The following CWF19L2 variants were observed in gnomAD, a reference collection of about 807,000 sequenced individuals.
The protein encoded by CWF19L2 is CWF19-like protein 2.
CWF19L2 carries 98 observed loss-of-function variants against 111.7 expected under a neutral mutation model. The observed-to-expected ratio is 0.88, with a 90% confidence interval of 0.75 to 1.04. CWF19L2 has a LOEUF of 1.04. Among genes scored for constraint, CWF19L2 ranks in the 50% least tolerant of loss-of-function variants. The probability of loss-of-function intolerance (pLI) is 0.00; values close to 1 mark genes in which losing one functional copy is unlikely to be tolerated. For missense variants in CWF19L2, 1,101 were observed against 1,051.4 expected (o/e 1.05, Z -0.65); for synonymous variants, 351 against 342.9 (o/e 1.02, Z -0.26).
chr11:107,433,715 T>A lies in CWF19L2; in HGVS notation c.699A>T (p.Leu233=). The change falls in exon 7 of 18, where the codon CTA becomes CTT. Residue 233 remains leucine, a synonymous_variant. Transcript: ENST00000282251. ...CCTTCATTCTTAGATAAGATTTCCT[T>A]AGCCAGCTTAATCCACCATCTTCTA... ...SVVEDGGLSW[L]RKSYLRMKEQ... is the part of the protein sequence containing the mutation. The A allele has an allele frequency of 6.3e-7, 1 of 1,588,662 alleles. No individual in the cohort carries two copies. Among genetic ancestry groups the A allele is most frequent in the East Asian group, 2.3e-5 (1 of 43,266 alleles).
At chr11:107,450,433 A>G (rs919811732) in intron 3 of CWF19L2, among the ~76,000 whole-genome samples, 1 of 152,142 alleles carries the variant, frequency 6.6e-6, no homozygotes, top group Non-Finnish European at 1.5e-5. Flanking sequence ...GCACACCCGT[A>G]GTCCCAGCTT....
At position 107,375,294 on chromosome 11, in the gene CWF19L2, C is replaced by T. The variant is rs1412772583; in HGVS notation, c.1872+14780G>A. ...ACCTAATATACATCTACAGAACTCT[C>T]CACCCCAAATCAACAGAATATACAT... On this transcript the variant is annotated intron_variant, in intron 12 of 17. Coordinates refer to ENST00000282251, the MANE Select transcript of CWF19L2 (RefSeq NM_152434.3). Among the ~76,000 whole-genome samples the T allele has an allele frequency of 5.2e-5, 7 of 135,364 alleles. 2 individuals are homozygous for T. Among genetic ancestry groups the T allele is most frequent in the Non-Finnish European group, 1.1e-4 (7 of 63,384 alleles). 88.8% of individuals were successfully genotyped at this position (135,364 alleles called of 152,430 possible). A position where few individuals can be genotyped will look rare whatever the true frequency, so the allele number is the denominator to read the frequency against.
rs527312262 is a variant in CWF19L2 at position 107,364,393 on chromosome 11, T to C, written c.1873-10657A>G. Among the ~76,000 whole-genome samples, 31 of 148,384 alleles carry C rather than the reference T, an allele frequency of 2.1e-4. 1 individual carries two copies. Among genetic ancestry groups the C allele is most frequent in the East Asian group, 1.8e-3 (9 of 4,896 alleles). On this transcript the variant is annotated intron_variant, in intron 12 of 17. Coordinates refer to ENST00000282251, the MANE Select transcript of CWF19L2 (RefSeq NM_152434.3). ...ACATTTTTTTCAGCACCACACCACA[T>C]CTATTCCAAAATTGACCACATACTT...
intron 14 of CWF19L2, among the ~76,000 whole-genome samples, chr11:107,341,068 A>C (rs1005363587): frequency 6.6e-5 from 10 of 152,216 alleles, no homozygotes; most frequent in African/African-American, 2.4e-4. Context: ...AGTTGAACAA[A>C]GCAATGGTCT....
chr11:107,395,885 TAGGACCTGTCAC>T (rs1357160500), intron 10 of CWF19L2, among the ~76,000 whole-genome samples: 3 of 152,198 alleles, frequency 2.0e-5, no homozygotes, highest in African/African-American at 7.2e-5. Context: ...CTGGTACCTA[TAGGACCTGTCAC>T]AGTGTCAAAC....
intron 10 of CWF19L2, among the ~76,000 whole-genome samples, chr11:107,412,896 G>A (rs1435561391): frequency 5.9e-5 from 9 of 152,168 alleles, no homozygotes; most frequent in Admixed American, 3.3e-4. Flanking sequence ...CATACTGTAT[G>A]ATTTCAATTA....
chr11:107,422,078 TA>T (rs1861309914), intron 8 of CWF19L2, among the ~76,000 whole-genome samples: 1 of 151,950 alleles, frequency 6.6e-6, no homozygotes, highest in Non-Finnish European at 1.5e-5. Context: ...AAGCTCACAA[TA>T]ATTACTCTGA....
At chr11:107,401,493 A>T (rs994179800) in intron 10 of CWF19L2, among the ~76,000 whole-genome samples, 1 of 151,934 alleles carries the variant, frequency 6.6e-6, no homozygotes, top group Non-Finnish European at 1.5e-5. Context: ...AAATAAAAAT[A>T]AAAATAAAAT....
At chr11:107,430,430 T>G (rs1447128594) in intron 7 of CWF19L2, among the ~76,000 whole-genome samples, 2 of 152,144 alleles carry the variant, frequency 1.3e-5, no homozygotes, top group Non-Finnish European at 2.9e-5. Context: ...ACAGTCAAAT[T>G]ATCCTTCCTT....
rs79967583 is a variant in CWF19L2 at position 107,334,343 on chromosome 11, G to T, written c.2439+538C>A. ...TAAGTGTAACTTGTACATAAAAGCT[G>T]ATCTACAAATAAAGATTAAACTATG... is the stretch of plus-strand genomic sequence containing the variant. On this transcript the variant is annotated intron_variant, in intron 16 of 17. Coordinates refer to ENST00000282251, the MANE Select transcript of CWF19L2 (RefSeq NM_152434.3). Among the ~76,000 whole-genome samples, 1,517 of 152,198 alleles carry T rather than the reference G, an allele frequency of 1.0e-2. 23 individuals carry two copies. Among genetic ancestry groups the T allele is most frequent in the African/African-American group, 0.035 (1,449 of 41,516 alleles).
chr11:107,434,409 G>A (rs1194012316), intron 6 of CWF19L2, among the ~76,000 whole-genome samples: 1 of 151,726 alleles, frequency 6.6e-6, no homozygotes, highest in Non-Finnish European at 1.5e-5. Flanking sequence ...TTGGATATGT[G>A]TAAAGAGGAA....
chr11:107,349,652 A>G (rs771468646), intron 13 of CWF19L2, among the ~76,000 whole-genome samples: 3 of 151,884 alleles, frequency 2.0e-5, no homozygotes, highest in Non-Finnish European at 4.4e-5. Context: ...CGGTATATAT[A>G]CAGAGAACAA....
chr11:107,359,329 C>G (rs1327091712), intron 12 of CWF19L2, among the ~76,000 whole-genome samples: 1 of 152,034 alleles, frequency 6.6e-6, no homozygotes, highest in African/African-American at 2.4e-5. Flanking sequence ...AAATCCCCAT[C>G]ATTCTGAAGT....
chr11:107,429,866 G>C (rs536636), intron 7 of CWF19L2, among the ~76,000 whole-genome samples: 2 of 148,186 alleles, frequency 1.3e-5, no homozygotes, highest in South Asian at 2.1e-4. Flanking sequence ...ATAAAAAATT[G>C]TGTGTCCCAA....
rs539280638 is a variant in CWF19L2, at chr11:107,409,987, C to A, written c.1617+6222G>T. 2.0e-5 allele frequency among the ~76,000 whole-genome samples: 3 copies of A among 152,194 alleles called. No homozygotes were observed. The East Asian group carries it at 5.8e-4, about 29-fold the overall frequency. ...TGTCCTAAATACTAAATAGTTCACC[C>A]TCTAAAGAAGAGGGATAAGGAAACT... On this transcript the variant is annotated intron_variant, in intron 10 of 17. Coordinates refer to ENST00000282251, the MANE Select transcript of CWF19L2 (RefSeq NM_152434.3).
At chr11:107,363,342 G>A (rs181939328) in intron 12 of CWF19L2, among the ~76,000 whole-genome samples, 14 of 152,124 alleles carry the variant, frequency 9.2e-5, no homozygotes, top group African/African-American at 2.2e-4. Flanking sequence ...GATACTCCTC[G>A]AGAAGAGCAA....
intron 13 of CWF19L2, 87 bp downstream of exon 13, chr11:107,353,437 A>T (rs959672225): frequency 9.7e-6 from 10 of 1,031,452 alleles, no homozygotes; most frequent in Admixed American, 2.4e-5. Flanking sequence ...TAAAACAGAC[A>T]AAATAATAAA....
Position 107,442,977 on chromosome 11 carries a change from C to A in CWF19L2, c.412G>T (p.Asp138Tyr). ...GTGTCATCTTTTCCTGACTTTTCAT[C>A]TTTCACTTTCCAGGCTTTTTCCTTG... ...PDKEKAWKVK[D>Y]EKSGKDDTQI... Residue 138 changes from aspartate (D) to tyrosine (Y), a missense_variant, in exon 4 of 18, where the codon GAT (aspartate) becomes TAT (tyrosine). By Grantham distance (160) the Asp-to-Tyr change is radical. Transcript: ENST00000282251. 6.4e-7 allele frequency: 1 copy of A among 1,551,704 alleles called. No individual in the cohort carries two copies. Among genetic ancestry groups the A allele is most frequent in the Non-Finnish European group, 8.7e-7 (1 of 1,146,838 alleles).
At chr11:107,439,622 CT>C (rs1349733462) in intron 5 of CWF19L2, among the ~76,000 whole-genome samples, 4 of 152,082 alleles carry the variant, frequency 2.6e-5, no homozygotes, top group African/African-American at 9.7e-5. Context: ...ACCGCATTTT[CT>C]TTTTTTGTAG....
Sources: allele counts gnomAD v4.1 joint callset (sites outside exome capture counted in the v4.1 genomes callset), GRCh38; gene constraint gnomAD v4.1.1; transcripts MANE v1.5; gene names NCBI Gene and HGNC (gene_info 2026-07-23, HGNC 2026-07-21).